Variants in ABCA4 observed in about 807,000 individuals in gnomAD.
ABCA4 encodes ATP binding cassette subfamily A member 4.
Under a neutral mutation model 263.7 loss-of-function variants are expected in ABCA4, and 196 were observed. That is an observed-to-expected ratio of 0.74 (90% CI 0.66 to 0.84). The LOEUF is 0.84. ABCA4 is among the 40% of genes least tolerant of loss of function. The pLI, the probability that ABCA4 is intolerant of heterozygous loss-of-function variation, is 0.00. For synonymous variants in ABCA4, 1,133 were observed against 1,094.2 expected (o/e 1.04, Z -0.70); for missense variants, 2,792 against 2,855.1 (o/e 0.98, Z 0.50).
At chr1:94,026,836 A>T (rs1051142686) in intron 30 of ABCA4, among the ~76,000 whole-genome samples, 2 of 152,192 alleles carry the variant, frequency 1.3e-5, no homozygotes, top group East Asian at 3.9e-4. Context: ...AATCAGGCCC[A>T]CGCCCTCTGG....
chr1:94,071,367 A>G (rs1319770532), intron 11 of ABCA4, among the ~76,000 whole-genome samples: 1 of 152,234 alleles, frequency 6.6e-6, no homozygotes, highest in Non-Finnish European at 1.5e-5. Flanking sequence ...AGTGCCTATT[A>G]TGCTGCATAT....
intron 47 of ABCA4, among the ~76,000 whole-genome samples, chr1:93,998,905 A>ATTTTTTTTT (rs11370620): frequency 7.4e-6 from 1 of 135,822 alleles, no homozygotes; most frequent in African/African-American, 2.7e-5. Context: ...CACTCGGCTA[A>ATTTTTTTTT]TTTTTTTTTT....
At chr1:94,060,076 AAATAATCC>A (rs1326764662) in intron 14 of ABCA4, among the ~76,000 whole-genome samples, 1 of 152,224 alleles carries the variant, frequency 6.6e-6, no homozygotes, top group East Asian at 1.9e-4. Flanking sequence ...GATGATAAGT[AAATAATCC>A]AGATCTCCTC....
intron 14 of ABCA4, among the ~76,000 whole-genome samples, chr1:94,059,316 CCCT>C (rs1661057379): frequency 6.6e-6 from 1 of 152,168 alleles, no homozygotes; most frequent in Non-Finnish European, 1.5e-5. Context: ...AACTTTGGTG[CCCT>C]TTGCAAATGT....
At chr1:94,066,561 A>G (rs985256267) in intron 11 of ABCA4, among the ~76,000 whole-genome samples, 2 of 152,266 alleles carry the variant, frequency 1.3e-5, no homozygotes, top group Non-Finnish European at 2.9e-5. Flanking sequence ...ATTTGGACAG[A>G]GCCCTAGAGG....
intron 13 of ABCA4, 53 bp from the exon 14 acceptor site, chr1:94,060,812 G>A: frequency 7.1e-7 from 1 of 1,399,180 alleles, no homozygotes; most frequent in Non-Finnish European, 1.0e-6. Context: ...CCTGGTAGAG[G>A]CAGAATAAAT....
chr1:94,106,427 A>G (rs962000394), intron 4 of ABCA4, among the ~76,000 whole-genome samples: 15 of 152,194 alleles, frequency 9.9e-5, no homozygotes, highest in Admixed American at 1.3e-4. Flanking sequence ...CACTGGATGC[A>G]TGAGGTATGT....
Position 94,062,729 on chromosome 1 carries a change from A to G in ABCA4, c.1785T>C (p.Ala595=), listed in dbSNP as rs1249348439. 1.2e-6 allele frequency: 2 copies of G among 1,613,986 alleles called. No individual in the cohort carries two copies. Among genetic ancestry groups the G allele is most frequent in the Non-Finnish European group, 1.7e-6 (2 of 1,180,018 alleles). The change falls in exon 13 of 50, where the codon GCT becomes GCC. Residue 595 remains alanine (A), a synonymous_variant. Coordinates refer to ENST00000370225, the MANE Select transcript of ABCA4 (RefSeq NM_000350.3). ...TGTACCGGAAATCTTCCACGGGATC[A>G]GCTCTGGGACCAGAATCCCAATACC... ...KDRYWDSGPR[A]DPVEDFRYIW...
At chr1:94,009,601 C>T (rs772906308) in intron 40 of ABCA4, among the ~76,000 whole-genome samples, 3 of 152,208 alleles carry the variant, frequency 2.0e-5, no homozygotes, top group Non-Finnish European at 4.4e-5. Context: ...CCTCAATGTT[C>T]TCCTCCTCCT....
chr1:94,098,576 G>T (rs1662194394), intron 6 of ABCA4, among the ~76,000 whole-genome samples: 1 of 152,150 alleles, frequency 6.6e-6, no homozygotes, highest in Admixed American at 6.5e-5. Flanking sequence ...ACATGCCACA[G>T]CCACATACCT....
chr1:94,053,988 T>G (rs1438469033), intron 16 of ABCA4, among the ~76,000 whole-genome samples: 1 of 152,216 alleles, frequency 6.6e-6, no homozygotes, highest in Non-Finnish European at 1.5e-5. Context: ...CTGCCTGCTT[T>G]TGGCTACAGC....
At chr1:94,014,023 T>G (rs191443064) in intron 38 of ABCA4, among the ~76,000 whole-genome samples, 1 of 152,304 alleles carries the variant, frequency 6.6e-6, no homozygotes, top group Non-Finnish European at 1.5e-5. Context: ...TATTGATGTG[T>G]GTGTGTGTAA....
At chr1:94,103,840 C>T (rs1305773372) in intron 4 of ABCA4, among the ~76,000 whole-genome samples, 7 of 152,166 alleles carry the variant, frequency 4.6e-5, no homozygotes, top group African/African-American at 1.7e-4. Context: ...CAGGCACATG[C>T]CGGGGCTTGC....
intron 11 of ABCA4, among the ~76,000 whole-genome samples, chr1:94,072,688 T>C (rs962083640): frequency 6.6e-6 from 1 of 152,206 alleles, no homozygotes; most frequent in African/African-American, 2.4e-5. Flanking sequence ...ATTTGTCCTG[T>C]GTCCTTAGAT....
At chr1:94,055,415 GTCCC>G in intron 15 of ABCA4, 100 bp from the exon 16 acceptor site, 1 of 1,155,764 alleles carries the variant, frequency 8.7e-7, no homozygotes, top group Non-Finnish European at 1.3e-6. Context: ...CCAAAAGAGG[GTCCC>G]CATTGTCTCT....
At chr1:94,010,719 A>G in intron 40 of ABCA4, 81 bp downstream of exon 40, 1 of 1,602,142 alleles carries the variant, frequency 6.2e-7, no homozygotes, top group Non-Finnish European at 8.5e-7. Flanking sequence ...GCTCCTGAGG[A>G]AAGAAATGAC....
At chr1:94,002,217 A>T (rs1659210261) in intron 44 of ABCA4, among the ~76,000 whole-genome samples, 1 of 152,154 alleles carries the variant, frequency 6.6e-6, no homozygotes, top group Admixed American at 6.5e-5. Context: ...CCTGCTCAGC[A>T]TCTGTTGGGT....
chr1:94,084,361 G>A (rs1056796327), intron 6 of ABCA4, among the ~76,000 whole-genome samples: 6 of 152,192 alleles, frequency 3.9e-5, no homozygotes, highest in African/African-American at 1.4e-4. Context: ...CCAAGTATCT[G>A]GGGACCAAAA....
intron 31 of ABCA4, 89 bp from the exon 32 acceptor site, chr1:94,023,507 A>AGACTTC: frequency 8.4e-7 from 1 of 1,194,070 alleles, no homozygotes; most frequent in Non-Finnish European, 1.2e-6. Context: ...TTGAAGACTG[A>AGACTTC]AGTCTCAGTC....
Sources: allele counts gnomAD v4.1 joint callset (sites outside exome capture counted in the v4.1 genomes callset), GRCh38; gene constraint gnomAD v4.1.1; transcripts MANE v1.5; gene names NCBI Gene and HGNC (gene_info 2026-07-23, HGNC 2026-07-21).